Variants in PSD2 observed in about 807,000 individuals in gnomAD.
The protein encoded by PSD2 is pleckstrin and Sec7 domain containing 2.
A neutral mutation model predicts 69.8 loss-of-function variants in PSD2; 38 were observed. That is an observed-to-expected ratio of 0.54 (90% CI 0.42 to 0.71). The LOEUF (loss-of-function observed/expected upper bound fraction) is 0.71, where lower values mean the gene tolerates loss of function less well. Ranked by LOEUF, PSD2 falls within the 30% of genes least tolerant of loss-of-function variation. The pLI, the probability that PSD2 is intolerant of heterozygous loss-of-function variation, is 0.00. For synonymous variants in PSD2, 412 were observed against 423.0 expected (o/e 0.97, Z 0.32); for missense variants, 943 against 1,014.5 (o/e 0.93, Z 0.96).
At chr5:139,772,075 G>A in the PSD2 span, among the ~76,000 whole-genome samples, 1 of 152,320 alleles carries the variant, frequency 6.6e-6, no homozygotes, top group Admixed American at 6.5e-5. Context: ...GCCCTTGGCA[G>A]GGATCAGTTA....
chr5:139,750,919 C>T, the PSD2 span, among the ~76,000 whole-genome samples: 5 of 152,198 alleles, frequency 3.3e-5, no homozygotes, highest in Non-Finnish European at 5.9e-5. Flanking sequence ...TTAGATCCCT[C>T]CTACTACTCC....
At chr5:139,820,935 G>GT (rs11394658) in intron 5 of PSD2, among the ~76,000 whole-genome samples, 36,392 of 146,474 alleles carry the variant, frequency 0.25, 5,109 homozygotes, top group African/African-American at 0.4. Context: ...GCCAGAGGTT[G>GT]TTTTTTTTTT....
At chr5:139,746,964 A>T in the PSD2 span, among the ~76,000 whole-genome samples, 1 of 152,084 alleles carries the variant, frequency 6.6e-6, no homozygotes, top group Non-Finnish European at 1.5e-5. This position sits in a 1 kb window ranked among gnomAD's most constrained non-coding sequence, Gnocchi z 4.5. Flanking sequence ...CCGCAGCTCG[A>T]GGCAGCCTGC....
At chr5:139,838,384 T>G (rs1051676440) in intron 12 of PSD2, among the ~76,000 whole-genome samples, 4 of 152,144 alleles carry the variant, frequency 2.6e-5, no homozygotes, top group South Asian at 4.1e-4. Flanking sequence ...GCTGTGGACC[T>G]GGGAAGTTTG....
Position 139,840,128 on chromosome 5 carries a change from G to C in PSD2, c.2070G>C (p.Glu690Asp), listed in dbSNP as rs753430763. 4 of 1,614,210 alleles carry C rather than the reference G, an allele frequency of 2.5e-6. No individual in the cohort carries two copies. In the East Asian group the frequency reaches 6.7e-5, roughly 27 times the overall value. The change falls in exon 14 of 15, where the codon GAG becomes GAC. Residue 690 changes from glutamate to aspartate, a missense_variant. Transcript: ENST00000274710. Reference protein sequence around the residue: ...HPVERGIKSKEAEEYRLKEHY... With the variant: ...HPVERGIKSKDAEEYRLKEHY... ...TCGAGAGGGGCATCAAGTCCAAGGA[G>C]GCCGAGGAGTACCGGTTGAAGGAGC... is the stretch of plus-strand genomic sequence containing the variant.
intron 7 of PSD2, among the ~76,000 whole-genome samples, chr5:139,824,223 G>A (rs1232860855): frequency 2.0e-5 from 3 of 152,194 alleles, no homozygotes; most frequent in Admixed American, 1.3e-4. Context: ...CAGCCACTGT[G>A]TAGTGAACCC....
At chr5:139,808,478 G>T (rs1295229926) in intron 1 of PSD2, among the ~76,000 whole-genome samples, 1 of 152,204 alleles carries the variant, frequency 6.6e-6, no homozygotes, top group Non-Finnish European at 1.5e-5. Flanking sequence ...GCTGGCCTGG[G>T]CAGGCCAGTG....
chr5:139,746,933 G>C, the PSD2 span, among the ~76,000 whole-genome samples: 1 of 152,122 alleles, frequency 6.6e-6, no homozygotes, highest in East Asian at 1.9e-4. This position sits in a 1 kb window ranked among gnomAD's most constrained non-coding sequence, Gnocchi z 4.5. Flanking sequence ...ACCTCGGCTC[G>C]TCCCCACCCT....
Position 139,813,519 on chromosome 5 carries a change from A to C in PSD2, c.582A>C (p.Pro194=), listed in dbSNP as rs754467173. 18 of 1,611,516 alleles carry C rather than the reference A, an allele frequency of 1.1e-5. No homozygotes were observed. The Middle Eastern group carries it at 8.2e-4, about 74-fold the overall frequency. ...IQQRARDSPE[P]GAGLGIGDMA... Reference sequence around the variant, plus strand: ...AGCGGGCCCGTGACAGCCCTGAGCCAGGGGCTGGGTTGGGCATTGGGGACA... The same window carrying C: ...AGCGGGCCCGTGACAGCCCTGAGCCCGGGGCTGGGTTGGGCATTGGGGACA... The change falls in exon 3 of 15, where the codon CCA becomes CCC. Residue 194 remains proline (P), a synonymous_variant. Transcript: ENST00000274710.
intron 1 of PSD2, 87 bp downstream of exon 1, chr5:139,796,062 C>CG (rs35307980): frequency 1 from 151,452 of 151,506 alleles, 75,699 homozygotes; most frequent in Middle Eastern, 1. Flanking sequence ...GGGCCGCGTG[C>CG]GGGTGGGGGG....
At chr5:139,796,385 G>T (rs1344120472) in intron 1 of PSD2, among the ~76,000 whole-genome samples, 1 of 152,220 alleles carries the variant, frequency 6.6e-6, no homozygotes, top group African/African-American at 2.4e-5. Context: ...GGTGGTCGGG[G>T]ATCGGGGCAT....
At chr5:139,743,315 C>T in the PSD2 span, among the ~76,000 whole-genome samples, 9 of 152,324 alleles carry the variant, frequency 5.9e-5, no homozygotes, top group South Asian at 8.3e-4. Flanking sequence ...CTCCTACCAA[C>T]GCACTGACCC....
chr5:139,804,496 A>G (rs1052132140), intron 1 of PSD2, among the ~76,000 whole-genome samples: 6 of 152,188 alleles, frequency 3.9e-5, no homozygotes, highest in Non-Finnish European at 8.8e-5. Context: ...TCAAGTGCAC[A>G]AAGAGGTCCA....
At chr5:139,759,410 A>G in the PSD2 span, among the ~76,000 whole-genome samples, 1 of 151,774 alleles carries the variant, frequency 6.6e-6, no homozygotes, top group Admixed American at 6.6e-5. Context: ...GCTGCCCCCG[A>G]TCGCGGTCAC....
intron 7 of PSD2, among the ~76,000 whole-genome samples, chr5:139,827,862 A>T (rs1399673227): frequency 6.6e-6 from 1 of 152,180 alleles, no homozygotes; most frequent in East Asian, 1.9e-4. Flanking sequence ...CTCCCTTGAC[A>T]TGTGGGGATT....
the PSD2 span, among the ~76,000 whole-genome samples, chr5:139,750,234 A>G: frequency 6.6e-6 from 1 of 152,196 alleles, no homozygotes; most frequent in Non-Finnish European, 1.5e-5. Flanking sequence ...CTGAGGCAGG[A>G]GAATGGGGTG....
At chr5:139,762,729 G>A in the PSD2 span, among the ~76,000 whole-genome samples, 18 of 152,098 alleles carry the variant, frequency 1.2e-4, no homozygotes, top group Non-Finnish European at 2.5e-4. Flanking sequence ...ACTCAGAAAG[G>A]CTACAGACCC....
the PSD2 span, among the ~76,000 whole-genome samples, chr5:139,790,216 C>T: frequency 1.3e-5 from 2 of 151,864 alleles, no homozygotes; most frequent in African/African-American, 2.4e-5. Context: ...CCCAGGAATT[C>T]GAGACCAGGC....
the PSD2 span, among the ~76,000 whole-genome samples, chr5:139,774,390 A>C: frequency 6.6e-6 from 1 of 152,140 alleles, no homozygotes; most frequent in African/African-American, 2.4e-5. Flanking sequence ...TTTTTGCTGG[A>C]AAATAGTGAA....
Sources: allele counts gnomAD v4.1 joint callset (sites outside exome capture counted in the v4.1 genomes callset), GRCh38; gene constraint gnomAD v4.1.1; non-coding constraint Gnocchi (gnomAD v3.1); transcripts MANE v1.5; gene names NCBI Gene and HGNC (gene_info 2026-07-23, HGNC 2026-07-21).